The following CENPH variants were observed in gnomAD, a reference collection of about 807,000 sequenced individuals.
CENPH encodes CENP-H.
A neutral mutation model predicts 42.9 loss-of-function variants in CENPH; 40 were observed. The ratio of observed to expected loss-of-function variants is 0.93; its 90% CI spans 0.72 to 1.21. The LOEUF (loss-of-function observed/expected upper bound fraction) is 1.21. CENPH is among the 50% of genes most tolerant of loss of function. CENPH has a pLI of 0.00. For synonymous variants in CENPH, 88 were observed against 96.5 expected (o/e 0.91, Z 0.52); for missense variants, 302 against 292.9 (o/e 1.03, Z -0.23).
chr5:69,204,340 G>T (rs1363450308), intron 7 of CENPH, among the ~76,000 whole-genome samples: 1 of 151,224 alleles, frequency 6.6e-6, no homozygotes, highest in Non-Finnish European at 1.5e-5. Context: ...GAGTGCAGTG[G>T]CGTGATCATA....
At position 69,189,669 on chromosome 5, in the gene CENPH, A is replaced by C; in HGVS notation, c.35A>C (p.Glu12Ala). ...CAGCCCCAGATGCAAGACGCCGACG[A>C]GCCCGCGGACTCCGGAGGGGAAGGC... ...EEQPQMQDADEPADSGGEGRA... is the reference protein window; with the variant it reads ...EEQPQMQDADAPADSGGEGRA... Residue 12 changes from glutamate (E) to alanine (A), a missense_variant, in exon 1 of 9, where the codon GAG (glutamate) becomes GCG (alanine). Glu to Ala is a moderately radical substitution (Grantham distance 107, BLOSUM62 -1). Transcript: ENST00000283006. 6.3e-7 allele frequency: 1 copy of C among 1,599,980 alleles called. No homozygotes were observed. The highest frequency in any genetic ancestry group is 8.5e-7 in the Non-Finnish European group (1 of 1,175,212).
At chr5:69,201,855 C>A (rs1388893153) in intron 5 of CENPH, among the ~76,000 whole-genome samples, 1 of 152,154 alleles carries the variant, frequency 6.6e-6, no homozygotes, top group African/African-American at 2.4e-5. Flanking sequence ...GAGACCCTGT[C>A]ACAGAAAACA....
In CENPH at chr5:69,202,277, T is replaced by A. The variant is rs1224214455; in HGVS notation, c.372-229T>A. On this transcript the variant is annotated intron_variant, in intron 5 of 8. Transcript: ENST00000283006. ...CATTTTTAAATTTGGTATTCTTCAATGTCTGTGACCAAACATTTTTCTAGG... is the reference window on the plus strand; with the variant it reads ...CATTTTTAAATTTGGTATTCTTCAAAGTCTGTGACCAAACATTTTTCTAGG... Among the ~76,000 whole-genome samples the A allele has an allele frequency of 2.0e-5, 3 of 152,234 alleles. No homozygotes were observed. The East Asian group carries it at 5.8e-4, about 29-fold the overall frequency.
intron 8 of CENPH, among the ~76,000 whole-genome samples, chr5:69,209,063 G>A (rs566133066): frequency 6.6e-6 from 1 of 152,136 alleles, no homozygotes. Context: ...CCAAAGTGCC[G>A]GGATTACAGG....
chr5:69,191,962 T>A (rs144786524), intron 2 of CENPH, 112 bp downstream of exon 2: 3 of 596,944 alleles, frequency 5.0e-6, no homozygotes, highest in Non-Finnish European at 8.9e-6. Flanking sequence ...TCTGGTTTAC[T>A]GCAGCCTCAG....
At chr5:69,206,616 G>A (rs1031861701) in intron 7 of CENPH, among the ~76,000 whole-genome samples, 4 of 152,014 alleles carry the variant, frequency 2.6e-5, no homozygotes, top group African/African-American at 9.7e-5. Context: ...AGCCTCTTGA[G>A]TAGCTGGGAT....
intron 7 of CENPH, 93 bp from the exon 8 acceptor site, chr5:69,208,103 A>C: frequency 1.6e-6 from 1 of 628,308 alleles, no homozygotes; most frequent in Non-Finnish European, 2.5e-6. Flanking sequence ...TCTTGACTAA[A>C]ATAACCAAGA....
intron 5 of CENPH, among the ~76,000 whole-genome samples, chr5:69,200,719 CT>C (rs70992906): frequency 6.5e-3 from 302 of 46,774 alleles, no homozygotes; most frequent in Middle Eastern, 0.013. Flanking sequence ...ATCAGCGTAT[CT>C]TTTTTTTTTT....
In CENPH at chr5:69,194,313, T is replaced by C. The variant is rs556220080; in HGVS notation, c.191-334T>C. Among the ~76,000 whole-genome samples the C allele has an allele frequency of 2.0e-5, 3 of 152,004 alleles. No homozygotes were observed. The East Asian group carries it at 5.9e-4, about 30-fold the overall frequency. On this transcript the variant is annotated intron_variant, in intron 2 of 8. Transcript: ENST00000283006. ...AGCTGGGACTACAGGCATGCACTAT[T>C]GTGCCTGGCTAATTTTCAGTAGAGA...
chr5:69,195,011 C>T (rs944019570), intron 3 of CENPH, among the ~76,000 whole-genome samples: 1 of 151,792 alleles, frequency 6.6e-6, no homozygotes, highest in African/African-American at 2.4e-5. Flanking sequence ...GGGTGGATCA[C>T]CCGAGGTCGG....
At position 69,189,630 on chromosome 5, in the gene CENPH, C is replaced by T. The variant is rs1747828938; in HGVS notation, c.-5C>T. The T allele has an allele frequency of 1.3e-6, 2 of 1,598,530 alleles. No individual in the cohort carries two copies. The highest frequency in any genetic ancestry group is 4.3e-4 in the Middle Eastern group (2 of 4,628). Reference sequence around the variant, plus strand: ...TTGAGTGGTAGCCTTTCCCCTCAACCAGCAATGGAGGAGCAGCCCCAGATG... The same window carrying T: ...TTGAGTGGTAGCCTTTCCCCTCAACTAGCAATGGAGGAGCAGCCCCAGATG... On this transcript the variant is annotated 5_prime_UTR_variant, in exon 1 of 9. Transcript: ENST00000283006.
intron 7 of CENPH, among the ~76,000 whole-genome samples, chr5:69,206,480 C>T (rs139160906): frequency 1.4e-3 from 213 of 150,068 alleles, no homozygotes; most frequent in African/African-American, 4.9e-3. Context: ...CGTGCCCAGC[C>T]GGTGTTTTGT....
chr5:69,199,359 G>A (rs1748018360), intron 5 of CENPH, among the ~76,000 whole-genome samples: 1 of 152,144 alleles, frequency 6.6e-6, no homozygotes, highest in Non-Finnish European at 1.5e-5. Context: ...ATTTTTTGTA[G>A]AGATGGGGTT....
chr5:69,208,172 A>T, intron 7 of CENPH, 24 bp from the exon 8 acceptor site: 2 of 1,285,902 alleles, frequency 1.6e-6, no homozygotes, highest in Non-Finnish European at 2.2e-6. Context: ...TATATGGTAT[A>T]TTATTTTATT....
At chr5:69,196,236 G>C (rs1460879675) in intron 4 of CENPH, among the ~76,000 whole-genome samples, 3 of 151,998 alleles carry the variant, frequency 2.0e-5, no homozygotes, top group African/African-American at 7.2e-5. Flanking sequence ...TGGTCACACA[G>C]ATTTTGAGCC....
Position 69,197,077 on chromosome 5 carries a change from A to G in CENPH, c.339A>G (p.Lys113=). ...GGATGAGACTTTCAACTGCACTTAAAAAAAACCTGGAGAAAATTAGCAGAC... is the reference window on the plus strand; with the variant it reads ...GGATGAGACTTTCAACTGCACTTAAGAAAAACCTGGAGAAAATTAGCAGAC... The part of the protein sequence containing the change: ...LDRMRLSTAL[K]KNLEKISRQS... The change falls in exon 5 of 9, where the codon AAA becomes AAG. Residue 113 remains lysine, a synonymous_variant. Transcript: ENST00000283006. 6.3e-7 allele frequency: 1 copy of G among 1,581,788 alleles called. No individual in the cohort carries two copies. Among genetic ancestry groups the G allele is most frequent in the Non-Finnish European group, 8.5e-7 (1 of 1,170,570 alleles).
chr5:69,195,856 G>A, intron 4 of CENPH, 65 bp downstream of exon 4: 1 of 772,360 alleles, frequency 1.3e-6, no homozygotes, highest in Non-Finnish European at 2.2e-6. Context: ...AGGGGAAAGT[G>A]GAGGGAATCT....
At chr5:69,195,652 C>A in intron 3 of CENPH, 65 bp from the exon 4 acceptor site, 1 of 919,308 alleles carries the variant, frequency 1.1e-6, no homozygotes, top group Non-Finnish European at 1.7e-6. Context: ...TTATTTTATA[C>A]ATTTATTTCA....
intron 1 of CENPH, among the ~76,000 whole-genome samples, chr5:69,190,905 T>TA (rs1747859512): frequency 6.6e-6 from 1 of 151,996 alleles, no homozygotes; most frequent in Admixed American, 6.6e-5. Flanking sequence ...AAAAAAAAAT[T>TA]AATTACCATT....
Sources: allele counts gnomAD v4.1 joint callset (sites outside exome capture counted in the v4.1 genomes callset), GRCh38; gene constraint gnomAD v4.1.1; transcripts MANE v1.5; gene names NCBI Gene and HGNC (gene_info 2026-07-23, HGNC 2026-07-21).